Variants in CHST9 observed in about 807,000 individuals in gnomAD.
CHST9 encodes the protein carbohydrate sulfotransferase 9.
In CHST9, 41 loss-of-function variants were observed where a neutral mutation model predicts 44.4. The observed-to-expected ratio is 0.92, with a 90% CI of 0.72 to 1.20. The LOEUF (loss-of-function observed/expected upper bound fraction) is 1.20, where lower values mean the gene tolerates loss of function less well. Among genes scored for constraint, CHST9 ranks in the 50% most tolerant of loss-of-function variants. The probability of loss-of-function intolerance (pLI) is 0.00; values close to 1 mark genes in which losing one functional copy is unlikely to be tolerated. For synonymous variants in CHST9, 171 were observed against 178.4 expected, an observed-to-expected ratio of 0.96 and a Z score of 0.33; for missense variants, 504 against 516.5, an observed-to-expected ratio of 0.98 and a Z score of 0.23.
chr18:27,162,647 A>C (rs1316720014), intron 1 of CHST9, among the ~76,000 whole-genome samples: 8 of 152,104 alleles, frequency 5.3e-5, no homozygotes, highest in Non-Finnish European at 1.2e-4. Flanking sequence ...TGAAACTGAA[A>C]GTTGGCCTGC....
At chr18:26,949,853 T>C (rs192862815) in intron 4 of CHST9, among the ~76,000 whole-genome samples, 3 of 152,242 alleles carry the variant, frequency 2.0e-5, no homozygotes, top group Admixed American at 1.3e-4. Context: ...GAGGTGGCAG[T>C]AGCAGCAGGG....
intron 2 of CHST9, among the ~76,000 whole-genome samples, chr18:27,117,068 C>T (rs371456913): frequency 4.6e-5 from 7 of 151,364 alleles, no homozygotes; most frequent in Non-Finnish European, 7.4e-5. Flanking sequence ...TTTAACTATA[C>T]GTTTCATATG....
intron 4 of CHST9, among the ~76,000 whole-genome samples, chr18:26,964,071 A>G (rs2056433975): frequency 1.3e-5 from 2 of 152,260 alleles, no homozygotes; most frequent in South Asian, 4.1e-4. Flanking sequence ...AAGGAAAACC[A>G]CAGACATTTA....
At chr18:27,148,743 C>A (rs1209047426) in intron 1 of CHST9, among the ~76,000 whole-genome samples, 1 of 135,742 alleles carries the variant, frequency 7.4e-6, no homozygotes, top group Non-Finnish European at 1.6e-5. Context: ...TTTATAGCAG[C>A]ATGATTTATA....
At chr18:27,002,821 A>C (rs1304856312) in intron 4 of CHST9, among the ~76,000 whole-genome samples, 1 of 152,190 alleles carries the variant, frequency 6.6e-6, no homozygotes, top group Non-Finnish European at 1.5e-5. Flanking sequence ...TGCAATGTTA[A>C]AGTAATGACT....
intron 2 of CHST9, among the ~76,000 whole-genome samples, chr18:27,134,162 G>GA (rs1051666925): frequency 3.3e-5 from 5 of 152,022 alleles, no homozygotes; most frequent in African/African-American, 1.2e-4. Flanking sequence ...TGAAGGAAAA[G>GA]AACAGACTCT....
intron 2 of CHST9, among the ~76,000 whole-genome samples, chr18:27,104,314 G>C (rs2058201560): frequency 6.6e-6 from 1 of 152,194 alleles, no homozygotes; most frequent in Non-Finnish European, 1.5e-5. Flanking sequence ...TTGTGTGTCT[G>C]ACTGATTGGC....
At chr18:27,122,629 A>G (rs1417884984) in intron 2 of CHST9, among the ~76,000 whole-genome samples, 1 of 152,202 alleles carries the variant, frequency 6.6e-6, no homozygotes, top group Non-Finnish European at 1.5e-5. Flanking sequence ...TTTGTCATAC[A>G]GAACTAGCAA....
At chr18:27,092,076 A>G (rs371179283) in intron 2 of CHST9, among the ~76,000 whole-genome samples, 4 of 152,110 alleles carry the variant, frequency 2.6e-5, no homozygotes, top group South Asian at 4.1e-4. Context: ...GTCGTCCTGG[A>G]CTTTTTTTGG....
At chr18:26,964,782 C>A (rs2056444029) in intron 4 of CHST9, among the ~76,000 whole-genome samples, 1 of 152,164 alleles carries the variant, frequency 6.6e-6, no homozygotes, top group Admixed American at 6.5e-5. Flanking sequence ...TTGAGCTGTG[C>A]CCTTCCAGAA....
At position 27,149,057 on chromosome 18, in the gene CHST9, C is replaced by T. The variant is rs189818095; in HGVS notation, c.-96-6152G>A. On this transcript the variant is annotated intron_variant, in intron 1 of 5. Coordinates refer to ENST00000618847, the MANE Select transcript of CHST9 (RefSeq NM_031422.6). ...GTTTTTTGGCTGCATGAATGTCTTC[C>T]TTTGAGAAGTGTCTGTTCATATCCT... is the stretch of plus-strand genomic sequence containing the variant. 1.5e-5 allele frequency among the ~76,000 whole-genome samples: 2 copies of T among 130,310 alleles called. 1 individual carries two copies. Among genetic ancestry groups the T allele is most frequent in the Non-Finnish European group, 3.4e-5 (2 of 59,244 alleles). The allele number at this position is 130,310 out of a possible 152,430, so 85.5% of individuals were successfully genotyped here. A position where few individuals can be genotyped will look rare whatever the true frequency, so the allele number is the denominator to read the frequency against.
chr18:27,095,491 G>C (rs1017485980), intron 2 of CHST9, among the ~76,000 whole-genome samples: 7 of 152,072 alleles, frequency 4.6e-5, no homozygotes, highest in African/African-American at 1.7e-4. Flanking sequence ...AAGGCACAGA[G>C]TGAAAAGTTC....
At chr18:27,112,159 T>G (rs1054344531) in intron 2 of CHST9, among the ~76,000 whole-genome samples, 19 of 149,242 alleles carry the variant, frequency 1.3e-4, no homozygotes, top group African/African-American at 3.9e-4. Flanking sequence ...ATATTTATAC[T>G]TATATATACC....
chr18:27,146,979 G>A (rs1413972002), intron 1 of CHST9, among the ~76,000 whole-genome samples: 1 of 152,076 alleles, frequency 6.6e-6, no homozygotes, highest in African/African-American at 2.4e-5. Context: ...AGTATTTTGG[G>A]ACTTAAGTAT....
intron 2 of CHST9, among the ~76,000 whole-genome samples, chr18:27,057,135 T>G (rs2057665668): frequency 6.6e-6 from 1 of 152,232 alleles, no homozygotes. Flanking sequence ...CTTGTTCTCT[T>G]CCACAATTGG....
At chr18:27,184,448 C>T (rs1026142866) in intron 1 of CHST9, among the ~76,000 whole-genome samples, 17 of 152,180 alleles carry the variant, frequency 1.1e-4, no homozygotes, top group Non-Finnish European at 2.4e-4. Context: ...GTGAAAGTAA[C>T]AGCAGCAGAA....
Position 27,050,348 on chromosome 18 carries a change from G to A in CHST9, c.122-1845C>T, listed in dbSNP as rs564865459. Among the ~76,000 whole-genome samples, 30 of 152,276 alleles carry A rather than the reference G, an allele frequency of 2.0e-4. No individual in the cohort carries two copies. The East Asian group carries it at 5.8e-3, about 30-fold the overall frequency. The stretch of plus-strand genomic sequence containing the variant: ...GGGCAATGGTGTGTATGAACACCAC[G>A]GTGGAGGTGAGGACCGTGGTTTGGG... On this transcript the variant is annotated intron_variant, in intron 2 of 5. Transcript: ENST00000618847.
At chr18:27,020,594 A>C (rs188481466) in intron 4 of CHST9, among the ~76,000 whole-genome samples, 21 of 152,366 alleles carry the variant, frequency 1.4e-4, no homozygotes, top group Admixed American at 9.1e-4. Flanking sequence ...AAAGATCTTG[A>C]CTAGGAGCTA....
At chr18:27,132,923 C>T (rs2058484115) in intron 2 of CHST9, among the ~76,000 whole-genome samples, 1 of 152,184 alleles carries the variant, frequency 6.6e-6, no homozygotes, top group African/African-American at 2.4e-5. Flanking sequence ...TCTTCAGCTG[C>T]TCTGGTCCAC....
Sources: allele counts gnomAD v4.1 joint callset (sites outside exome capture counted in the v4.1 genomes callset), GRCh38; gene constraint gnomAD v4.1.1; transcripts MANE v1.5; gene names NCBI Gene and HGNC (gene_info 2026-07-23, HGNC 2026-07-21).